Variants in ERCC6 observed in about 807,000 individuals in gnomAD.
The protein encoded by ERCC6 is DNA excision repair protein ERCC-6.
Under a neutral mutation model 158.7 loss-of-function variants are expected in ERCC6, and 116 were observed. That is an observed-to-expected ratio of 0.73 (90% CI 0.63 to 0.85). The LOEUF (loss-of-function observed/expected upper bound fraction) is 0.85. Ranked by LOEUF, ERCC6 falls within the 40% of genes least tolerant of loss-of-function variation. The probability of loss-of-function intolerance (pLI) is 0.00; values close to 1 mark genes in which losing one functional copy is unlikely to be tolerated. For missense variants in ERCC6, 1,698 were observed against 1,799.4 expected (o/e 0.94, Z 1.02); for synonymous variants, 678 against 659.3 (o/e 1.03, Z -0.43).
chr10:49,534,596 G>C (rs1450696449), intron 1 of ERCC6, among the ~76,000 whole-genome samples: 4 of 152,144 alleles, frequency 2.6e-5, no homozygotes, highest in Non-Finnish European at 5.9e-5. Flanking sequence ...ATGGGGAAGA[G>C]AAAGCACAGG....
Position 49,524,165 on chromosome 10 carries a change from A to G in ERCC6, c.1265T>C (p.Ile422Thr), listed in dbSNP as rs1156242603. Residue 422 changes from isoleucine (I) to threonine (T), a missense_variant, in exon 5 of 21, where the codon ATT becomes ACT. Transcript: ENST00000355832. ...KRQKKVPVQE[I>T]DDDFFPSSGE... The stretch of plus-strand genomic sequence containing the variant: ...AGAACTTGGGAAAAAGTCATCATCA[A>G]TCTCCTGCACTGGCACTTTCTTCTG... 2.5e-6 allele frequency: 4 copies of G among 1,614,020 alleles called. No homozygotes were observed. The highest frequency in any genetic ancestry group is 1.7e-4 in the Middle Eastern group (1 of 6,060).
chr10:49,478,364 T>C lies in ERCC6; in HGVS notation c.2276A>G (p.Lys759Arg). 6.2e-7 allele frequency: 1 copy of C among 1,609,322 alleles called. No individual in the cohort carries two copies. Among genetic ancestry groups the C allele is most frequent in the Non-Finnish European group, 8.5e-7 (1 of 1,175,630 alleles). Residue 759 changes from lysine to arginine, a missense_variant, in exon 11 of 21, where the codon AAA becomes AGA. Lys to Arg is a conservative substitution (Grantham distance 26). Transcript: ENST00000355832. ...DVKMSLSLPDKNEQVLFCRLT... is the reference protein window; with the variant it reads ...DVKMSLSLPDRNEQVLFCRLT... ...CCTGGATTTACAGACCTGTTCATTTTTATCTGGCAAAGAAAGGCTCATCTT... is the reference window on the plus strand; with the variant it reads ...CCTGGATTTACAGACCTGTTCATTTCTATCTGGCAAAGAAAGGCTCATCTT...
chr10:49,472,858 G>GA, intron 15 of ERCC6, 51 bp downstream of exon 15: 1 of 1,596,696 alleles, frequency 6.3e-7, no homozygotes, highest in African/African-American at 1.4e-5. Flanking sequence ...CGCTAACCAT[G>GA]AAACTATATT....
At position 49,460,425 on chromosome 10, in the gene ERCC6, G is replaced by A. The variant is rs759996832; in HGVS notation, c.4010C>T (p.Ser1337Phe). 1.2e-6 allele frequency: 2 copies of A among 1,613,352 alleles called. No homozygotes were observed. Among genetic ancestry groups the A allele is most frequent in the Non-Finnish European group, 1.7e-6 (2 of 1,179,424 alleles). The change falls in exon 20 of 21, where the codon TCT becomes TTT. Residue 1337 changes from serine (S) to phenylalanine (F), a missense_variant. By Grantham distance (155) the Ser-to-Phe change is radical. Transcript: ENST00000355832. The part of the protein sequence containing the change: ...KKSRFGKKRN[S>F]NFSVQHPSST... ...TGAAGGATGCTGCACAGAGAAGTTA[G>A]AATTCCTTTTCTTACCAAATCTACT...
chr10:49,507,825 G>A (rs942800910), intron 5 of ERCC6, among the ~76,000 whole-genome samples: 1 of 152,008 alleles, frequency 6.6e-6, no homozygotes, highest in Non-Finnish European at 1.5e-5. Context: ...CAAACCCCTC[G>A]GTAAAAAGTT....
At position 49,532,815 on chromosome 10, in the gene ERCC6, C is replaced by T. The variant is rs80133923; in HGVS notation, c.150G>A (p.Val50=). The T allele has an allele frequency of 1.2e-3, 1,916 of 1,614,222 alleles. 3 individuals are homozygous for T. The highest frequency in any genetic ancestry group is 1.5e-3 in the Non-Finnish European group (1,786 of 1,180,048). The change falls in exon 2 of 21, where the codon GTG becomes GTA. Residue 50 remains valine (V), a synonymous_variant. Transcript: ENST00000355832. ...CAGCAGAGGTGGACAGCCCGTCACC[C>T]ACAGAACGAAAGGAGAGGTACTCCT... is the stretch of plus-strand genomic sequence containing the variant. ...EVEEYLSFRS[V]GDGLSTSAVG...
intron 8 of ERCC6, among the ~76,000 whole-genome samples, chr10:49,485,249 T>C (rs961989795): frequency 1.3e-5 from 2 of 152,186 alleles, no homozygotes; most frequent in Admixed American, 6.5e-5. Flanking sequence ...GGCTTGGAAA[T>C]GGTAACTAAT....
chr10:49,500,591 G>C lies in ERCC6; in HGVS notation c.1632C>G (p.Ala544=). The C allele has an allele frequency of 6.2e-7, 1 of 1,613,994 alleles. No individual in the cohort carries two copies. Among genetic ancestry groups the C allele is most frequent in the Non-Finnish European group, 8.5e-7 (1 of 1,179,928 alleles). ...MGLGKTIQII[A]FLAGLSYSKI... Reference sequence around the variant, plus strand: ...TGCTGTAGCTCAGACCTGCCAAGAAGGCAATTATCTGGATGGTCTTGCCCA... The same window carrying C: ...TGCTGTAGCTCAGACCTGCCAAGAACGCAATTATCTGGATGGTCTTGCCCA... Residue 544 remains alanine, a synonymous_variant, in exon 7 of 21, where the codon GCC becomes GCG. Transcript: ENST00000355832.
chr10:49,526,117 T>TTATATATATATATATATATA (rs55801003), intron 4 of ERCC6, among the ~76,000 whole-genome samples: 1 of 43,598 alleles, frequency 2.3e-5, no homozygotes, highest in African/African-American at 8.6e-5. Flanking sequence ...TTATATATTT[T>TTATATATATATATATATATA]TATATATATA....
At chr10:49,442,825 A>T in the ERCC6 span, among the ~76,000 whole-genome samples, 1 of 152,216 alleles carries the variant, frequency 6.6e-6, no homozygotes, top group East Asian at 1.9e-4. Flanking sequence ...TCCTATTTTT[A>T]GTGAAAAATA....
chr10:49,526,940 G>A (rs1347231396), intron 4 of ERCC6, among the ~76,000 whole-genome samples: 1 of 152,170 alleles, frequency 6.6e-6, no homozygotes, highest in African/African-American at 2.4e-5. Context: ...ACCAGGGAGA[G>A]GCAGTAGAAC....
intron 1 of ERCC6, among the ~76,000 whole-genome samples, chr10:49,535,398 G>A (rs1009093482): frequency 3.9e-5 from 6 of 152,170 alleles, no homozygotes; most frequent in Non-Finnish European, 5.9e-5. Context: ...TGGAGGGTAC[G>A]AGGAGGCTAA....
At chr10:49,453,770 GT>G (rs59726219), downstream of ERCC6, among the ~76,000 whole-genome samples, 91,530 of 151,852 alleles carry the variant, frequency 0.6, 28,014 homozygotes, top group East Asian at 0.87. Flanking sequence ...TTGGTTGACA[GT>G]TTTTTTTTCT....
In ERCC6 at chr10:49,528,422, T is replaced by C. The variant is rs202126438; in HGVS notation, c.647A>G (p.Asp216Gly). 3 of 1,614,156 alleles carry C rather than the reference T, an allele frequency of 1.9e-6. No homozygotes were observed. In the East Asian group the frequency reaches 6.7e-5, roughly 36 times the overall value. ...ACTGCTCCTAGCATCCTCACCTGCATCCTCCTCCAGACTGGCGTGATCTAG... is the reference window on the plus strand; with the variant it reads ...ACTGCTCCTAGCATCCTCACCTGCACCCTCCTCCAGACTGGCGTGATCTAG... ...IELDHASLEEDAEPGPSSLGS... is the reference protein window; with the variant it reads ...IELDHASLEEGAEPGPSSLGS... The change falls in exon 4 of 21, where the codon GAT (aspartate) becomes GGT (glycine). Residue 216 changes from aspartate to glycine, a missense_variant. Asp to Gly is a moderately conservative substitution (Grantham distance 94, BLOSUM62 -1). Transcript: ENST00000355832.
chr10:49,519,466 G>C (rs1380305172), intron 5 of ERCC6, among the ~76,000 whole-genome samples: 1 of 152,184 alleles, frequency 6.6e-6, no homozygotes, highest in Non-Finnish European at 1.5e-5. Context: ...CTCATCAGAA[G>C]TGCTGAAAGG....
At chr10:49,493,413 G>A (rs1851211203) in intron 7 of ERCC6, among the ~76,000 whole-genome samples, 161 bp from the exon 8 acceptor site, 1 of 152,188 alleles carries the variant, frequency 6.6e-6, no homozygotes, top group Non-Finnish European at 1.5e-5. Flanking sequence ...AGTTACTGAT[G>A]TTAAAACCCA....
downstream of ERCC6, among the ~76,000 whole-genome samples, chr10:49,452,801 CTT>C (rs778010334): frequency 3.1e-4 from 47 of 150,868 alleles, no homozygotes; most frequent in South Asian, 8.4e-4. Flanking sequence ...ATGGGTTAAC[CTT>C]TTTATCATTA....
At chr10:49,506,113 A>T in intron 5 of ERCC6, 101 bp from the exon 6 acceptor site, 9 of 1,398,638 alleles carry the variant, frequency 6.4e-6, no homozygotes, top group Non-Finnish European at 9.0e-6. Context: ...GCAAATTAGA[A>T]CGGTCTCTTA....
At chr10:49,533,554 G>A (rs956799034) in intron 1 of ERCC6, among the ~76,000 whole-genome samples, 9 of 152,268 alleles carry the variant, frequency 5.9e-5, no homozygotes, top group African/African-American at 1.9e-4. Context: ...AGGCCAAAGC[G>A]GGAGGATAGA....
Sources: allele counts gnomAD v4.1 joint callset (sites outside exome capture counted in the v4.1 genomes callset), GRCh38; gene constraint gnomAD v4.1.1; transcripts MANE v1.5; gene names NCBI Gene and HGNC (gene_info 2026-07-23, HGNC 2026-07-21).